Variants in HDLBP observed in about 807,000 individuals in gnomAD.
The protein encoded by HDLBP is vigilin.
HDLBP carries 30 observed loss-of-function variants against 137.3 expected under a neutral mutation model. That is an observed-to-expected ratio of 0.22 (90% confidence interval 0.16 to 0.30). HDLBP has a LOEUF of 0.30. Among genes scored for constraint, HDLBP ranks in the 10% least tolerant of loss-of-function variants. HDLBP has a pLI of 1.00. For missense variants in HDLBP, 1,119 were observed against 1,667.3 expected, an observed-to-expected ratio of 0.67 and a Z score of 5.73; for synonymous variants, 606 against 596.0, an observed-to-expected ratio of 1.02 and a Z score of -0.24.
At chr2:241,252,048 C>T (rs1355017147) in intron 11 of HDLBP, among the ~76,000 whole-genome samples, 1 of 152,196 alleles carries the variant, frequency 6.6e-6, no homozygotes, top group Non-Finnish European at 1.5e-5. Context: ...CTAACAGCAT[C>T]CTGTAACTGT....
intron 1 of HDLBP, among the ~76,000 whole-genome samples, chr2:241,270,279 A>C (rs1251021311): frequency 6.6e-6 from 1 of 152,084 alleles, no homozygotes; most frequent in Non-Finnish European, 1.5e-5. Context: ...GCGTGCACAG[A>C]CCCTCAGGCA....
intron 5 of HDLBP, among the ~76,000 whole-genome samples, chr2:241,262,450 G>C (rs957994751): frequency 8.7e-6 from 1 of 114,362 alleles, no homozygotes; most frequent in Non-Finnish European, 2.0e-5. Context: ...GTGAGACTCT[G>C]TCTCTTAAAA....
intron 1 of HDLBP, among the ~76,000 whole-genome samples, chr2:241,290,830 TA>T (rs1201687329): frequency 6.6e-6 from 1 of 152,202 alleles, no homozygotes; most frequent in African/African-American, 2.4e-5. Flanking sequence ...ATCAGAGAAT[TA>T]TTTAACTTTA....
chr2:241,290,557 C>T (rs1470800264), intron 1 of HDLBP, among the ~76,000 whole-genome samples: 1 of 151,886 alleles, frequency 6.6e-6, no homozygotes, highest in Non-Finnish European at 1.5e-5. Flanking sequence ...TTGTGGTGAG[C>T]CGAGATCGCG....
In HDLBP at chr2:241,230,882, T is replaced by C. The variant is rs2069662695; in HGVS notation, c.3351A>G (p.Ile1117Met). Residue 1117 changes from isoleucine (I) to methionine (M), a missense_variant, in exon 25 of 28, where the codon ATA (isoleucine) becomes ATG (methionine). Coordinates refer to ENST00000310931, the MANE Select transcript of HDLBP (RefSeq NM_005336.6). This position sits in a 1 kb window ranked among gnomAD's most constrained non-coding sequence, Gnocchi z 5.0. ...EKNTEAARDA[I>M]LRIVGELEQM... ...GCTCAAGTTCACCCACAATTCTCAG[T>C]ATAGCATCCCTGGCAGCTTCTGTGT... 6.2e-7 allele frequency: 1 copy of C among 1,614,190 alleles called. No individual in the cohort carries two copies. Among genetic ancestry groups the C allele is most frequent in the East Asian group, 2.2e-5 (1 of 44,886 alleles).
At chr2:241,231,027 G>C (rs1252178318) in intron 24 of HDLBP, 83 bp from the exon 25 acceptor site, 1 of 1,196,192 alleles carries the variant, frequency 8.4e-7, no homozygotes, top group African/African-American at 1.5e-5. Context: ...CACTGCTGAG[G>C]AAAACAGCTC....
chr2:241,231,069 G>T, intron 24 of HDLBP, 125 bp from the exon 25 acceptor site: 1 of 798,710 alleles, frequency 1.3e-6, no homozygotes, highest in Non-Finnish European at 2.0e-6. Flanking sequence ...CGTCACGGCT[G>T]ATTTAAAACA....
intron 1 of HDLBP, among the ~76,000 whole-genome samples, chr2:241,288,310 T>C (rs1019556795): frequency 6.6e-6 from 1 of 152,220 alleles, no homozygotes; most frequent in African/African-American, 2.4e-5. Context: ...TATTCAAGCC[T>C]TGGAAACTGA....
intron 1 of HDLBP, among the ~76,000 whole-genome samples, chr2:241,311,473 G>T (rs1218941604): frequency 6.6e-6 from 1 of 152,232 alleles, no homozygotes; most frequent in African/African-American, 2.4e-5. Flanking sequence ...ACAAGAGGGA[G>T]TGAGGAGAGT....
chr2:241,231,101 A>T lies in HDLBP; in HGVS notation c.3289-157T>A, dbSNP rs988875696. On this transcript the variant is annotated intron_variant, in intron 24 of 27. Transcript: ENST00000310931. Reference sequence around the variant, plus strand: ...AACAAGAGGTTAACAATGTCCACTCAGGGCCGGGCACGGTGGCTCACGCCT... The same window carrying T: ...AACAAGAGGTTAACAATGTCCACTCTGGGCCGGGCACGGTGGCTCACGCCT... The T allele has an allele frequency of 2.0e-5, 13 of 657,740 alleles. No individual in the cohort carries two copies. The African/African-American group carries it at 2.2e-4, about 11-fold the overall frequency. The allele number at this position is 657,740 out of a possible 1,614,324, so 40.7% of individuals were successfully genotyped here.
In HDLBP at chr2:241,253,508, AAAACCAAAGAGATAGCT is replaced by A; in HGVS notation, c.1189-28_1189-12del. 6.3e-7 allele frequency: 1 copy of A among 1,581,320 alleles called. No homozygotes were observed. The highest frequency in any genetic ancestry group is 8.7e-7 in the Non-Finnish European group (1 of 1,150,276). On this transcript the variant is annotated splice_polypyrimidine_tract_variant and intron_variant, in intron 9 of 27. Coordinates refer to ENST00000310931, the MANE Select transcript of HDLBP (RefSeq NM_005336.6). ...GAACTCGATGTGAACCTACCACACC[AAAACCAAAGAGATAGCT>A]AAAACAGAATGGCACAGCTGCAGCC...
intron 1 of HDLBP, among the ~76,000 whole-genome samples, chr2:241,307,025 T>TC (rs1298917051): frequency 8.5e-6 from 1 of 116,972 alleles, no homozygotes; most frequent in African/African-American, 3.2e-5. Context: ...GTCTCCTGAC[T>TC]CCCAGTACAG....
At position 241,230,630 on chromosome 2, in the gene HDLBP, TC is replaced by T; in HGVS notation, c.3474+128del. ...GACCCGTGGTGTCCATGAGGACAGT[TC>T]CACTGCCAGCCCTGGGGTTGTGGCC... On this transcript the variant is annotated intron_variant, in intron 25 of 27. Transcript: ENST00000310931. This position sits in a 1 kb window ranked among gnomAD's most constrained non-coding sequence, Gnocchi z 5.0. 1 of 804,610 alleles carries T rather than the reference TC, an allele frequency of 1.2e-6. No individual in the cohort carries two copies. The highest frequency in any genetic ancestry group is 2.0e-6 in the Non-Finnish European group (1 of 498,912). The allele number at this position is 804,610 out of a possible 1,614,324, so 49.8% of individuals were successfully genotyped here.
chr2:241,266,942 C>T lies in HDLBP; in HGVS notation c.-37-36G>A, dbSNP rs773475602. ...GAAGAATAAATCAGAAGTCAAAGTA[C>T]AACCCTCAATTATCTATGAGATTGT... is the stretch of plus-strand genomic sequence containing the variant. On this transcript the variant is annotated intron_variant, in intron 2 of 27. Coordinates refer to ENST00000310931, the MANE Select transcript of HDLBP (RefSeq NM_005336.6). 14 of 1,436,640 alleles carry T rather than the reference C, an allele frequency of 9.7e-6. No individual in the cohort carries two copies. The East Asian group carries it at 2.7e-4, about 28-fold the overall frequency. 89.0% of individuals were successfully genotyped at this position (1,436,640 alleles called of 1,614,324 possible).
At chr2:241,307,501 G>A (rs2075621313) in intron 1 of HDLBP, among the ~76,000 whole-genome samples, 1 of 152,166 alleles carries the variant, frequency 6.6e-6, no homozygotes, top group Admixed American at 6.5e-5. Context: ...ATACTGCAGT[G>A]GGCTTGCTGT....
In HDLBP at chr2:241,249,910, G is replaced by T. The variant is rs1296886287; in HGVS notation, c.1443C>A (p.Ile481=). 1 of 1,614,060 alleles carries T rather than the reference G, an allele frequency of 6.2e-7. No individual in the cohort carries two copies. Among genetic ancestry groups the T allele is most frequent in the Non-Finnish European group, 8.5e-7 (1 of 1,179,966 alleles). The part of the protein sequence containing the change: ...IPPDSEKSNL[I]RIEGDPQGVQ... The stretch of plus-strand genomic sequence containing the variant: ...CGCCCTGTGGGTCCCCCTCGATGCG[G>T]ATCAAATTGCTCTTCTCACTGTCAG... Residue 481 remains isoleucine (I), a synonymous_variant, in exon 12 of 28, where the codon ATC becomes ATA. Coordinates refer to ENST00000310931, the MANE Select transcript of HDLBP (RefSeq NM_005336.6).
chr2:241,308,282 A>G (rs1157612486), intron 1 of HDLBP, among the ~76,000 whole-genome samples: 1 of 152,226 alleles, frequency 6.6e-6, no homozygotes, highest in Non-Finnish European at 1.5e-5. Flanking sequence ...CCAGTGTTTC[A>G]GCAACGCTTG....
In HDLBP at chr2:241,230,613, G is replaced by T. The variant is rs1027488238; in HGVS notation, c.3474+146C>A. 1.4e-6 allele frequency: 1 copy of T among 706,358 alleles called. No individual in the cohort carries two copies. The highest frequency in any genetic ancestry group is 1.8e-5 in the African/African-American group (1 of 56,552). 43.8% of individuals were successfully genotyped at this position (706,358 alleles called of 1,614,324 possible). A position where few individuals can be genotyped will look rare whatever the true frequency, so the allele number is the denominator to read the frequency against. On this transcript the variant is annotated intron_variant, in intron 25 of 27. Transcript: ENST00000310931. The surrounding 1 kb of genome is among the most constrained non-coding windows in gnomAD (Gnocchi z 5.0). The stretch of plus-strand genomic sequence containing the variant: ...AGGCCGTCGCCTGCACTGACCCGTG[G>T]TGTCCATGAGGACAGTTCCACTGCC...
Position 241,227,951 on chromosome 2 carries a change from T to C in HDLBP, c.*1650A>G, listed in dbSNP as rs1337062492. 1 of 152,184 alleles carries C rather than the reference T, an allele frequency of 6.6e-6. No individual in the cohort carries two copies. The highest frequency in any genetic ancestry group is 2.4e-5 in the African/African-American group (1 of 41,440). 9.4% of individuals were successfully genotyped at this position (152,184 alleles called of 1,614,324 possible). On this transcript the variant is annotated 3_prime_UTR_variant, in exon 28 of 28. Transcript: ENST00000310931. ...CTATGAAGCTGGAAGCTATATTCCT[T>C]CCAATCCCAATTTACCATTCCTGTA...
Sources: gnomAD v4.1 joint callset for allele counts (sites outside exome capture counted in the v4.1 genomes callset) on GRCh38, gnomAD v4.1.1 for gene constraint, Gnocchi (gnomAD v3.1) non-coding constraint, MANE v1.5 for transcripts, NCBI Gene and HGNC (gene_info 2026-07-23, HGNC 2026-07-21) for gene names.